The following RNLS variants were observed in gnomAD, a reference collection of about 807,000 sequenced individuals.
RNLS encodes the protein renalase, FAD dependent amine oxidase, also known as renalase.
RNLS carries 39 observed loss-of-function variants against 39.8 expected under a neutral mutation model. The ratio of observed to expected loss-of-function variants is 0.98; its 90% CI spans 0.76 to 1.28. The LOEUF is 1.28. Ranked by LOEUF, RNLS falls within the 50% of genes most tolerant of loss-of-function variation. The pLI is 0.00. For missense variants in RNLS, 410 were observed against 413.3 expected, an observed-to-expected ratio of 0.99 and a Z score of 0.07; for synonymous variants, 147 against 150.7, an observed-to-expected ratio of 0.98 and a Z score of 0.18.
At position 88,520,057 on chromosome 10, in the gene RNLS, C is replaced by G. The variant is rs1589945263; in HGVS notation, c.526+52846G>C. Among the ~76,000 whole-genome samples the G allele has an allele frequency of 2.0e-5, 3 of 152,064 alleles. No individual in the cohort carries two copies. The East Asian group carries it at 5.8e-4, about 29-fold the overall frequency. Reference sequence around the variant, plus strand: ...AAATTCATAATATGTAGAAGTTACTCTGTGTTGCATGAAAAGTGGACAGCT... The same window carrying G: ...AAATTCATAATATGTAGAAGTTACTGTGTGTTGCATGAAAAGTGGACAGCT... On this transcript the variant is annotated intron_variant, in intron 4 of 6. Transcript: ENST00000331772.
the RNLS span, among the ~76,000 whole-genome samples, chr10:88,203,389 C>A: frequency 3.0e-4 from 2 of 6,600 alleles, 1 homozygote; most frequent in Non-Finnish European, 6.1e-4. Flanking sequence ...TATATATACA[C>A]GTATGTGTAT....
intron 6 of RNLS, among the ~76,000 whole-genome samples, chr10:88,277,980 C>A (rs527561840): frequency 5.3e-5 from 8 of 152,280 alleles, no homozygotes; most frequent in African/African-American, 1.9e-4. Flanking sequence ...CAAAAATTTT[C>A]AGCATCTGTT....
At chr10:88,380,636 G>A (rs571951480) in intron 4 of RNLS, among the ~76,000 whole-genome samples, 67 of 151,720 alleles carry the variant, frequency 4.4e-4, no homozygotes, top group South Asian at 2.1e-3. Context: ...CGCCAGCCTC[G>A]GCCTCCCGAA....
the RNLS span, among the ~76,000 whole-genome samples, chr10:88,172,244 G>A: frequency 3.9e-5 from 6 of 152,040 alleles, no homozygotes; most frequent in African/African-American, 9.7e-5. Context: ...TTTGAGGGAC[G>A]TCCATACTGT....
chr10:88,366,663 GAAAAAAA>G (rs774157650), intron 4 of RNLS, among the ~76,000 whole-genome samples: 501 of 25,822 alleles, frequency 0.019, 2 homozygotes, highest in Admixed American at 0.051. Context: ...TAAGTTTTCT[GAAAAAAA>G]AAAAAAAAAA....
intron 5 of RNLS, chr10:88,343,641 A>C: frequency 3.0e-6 from 3 of 985,392 alleles, no homozygotes; most frequent in Non-Finnish European, 3.6e-6. Flanking sequence ...TAAAAATTCC[A>C]TAGATTCTGT....
rs946343540 is a variant in RNLS, at chr10:88,362,808, C to A, written c.527-83G>T. On this transcript the variant is annotated intron_variant, in intron 4 of 6. Transcript: ENST00000331772. ...CATCAAATATAAAATTCCTTTAAAC[C>A]AGTTACAACAGCTTCCACCAACTCC... is the stretch of plus-strand genomic sequence containing the variant. 3.2e-6 allele frequency: 4 copies of A among 1,260,690 alleles called. No individual in the cohort carries two copies. In the African/African-American group the frequency reaches 4.5e-5, roughly 14 times the overall value. The allele number at this position is 1,260,690 out of a possible 1,614,324, so 78.1% of individuals were successfully genotyped here. A position where few individuals can be genotyped will look rare whatever the true frequency, so the allele number is the denominator to read the frequency against.
intron 4 of RNLS, among the ~76,000 whole-genome samples, chr10:88,473,207 C>A (rs1315748449): frequency 6.6e-6 from 1 of 152,166 alleles, no homozygotes; most frequent in Non-Finnish European, 1.5e-5. Context: ...TATAGGACCA[C>A]TGACGTATAT....
At chr10:88,224,122 C>A in the RNLS span, among the ~76,000 whole-genome samples, 3 of 151,038 alleles carry the variant, frequency 2.0e-5, no homozygotes, top group African/African-American at 7.3e-5. Flanking sequence ...GCTGCTGTAA[C>A]AAAATACCTT....
chr10:88,327,353 T>A (rs1365957959), intron 5 of RNLS, among the ~76,000 whole-genome samples: 2 of 152,184 alleles, frequency 1.3e-5, no homozygotes, highest in Non-Finnish European at 2.9e-5. Context: ...GGTGATTGGA[T>A]CATGGGGGTG....
chr10:88,298,765 G>A (rs975995751), intron 6 of RNLS, among the ~76,000 whole-genome samples: 2 of 152,114 alleles, frequency 1.3e-5, no homozygotes, highest in Non-Finnish European at 2.9e-5. Flanking sequence ...GAACGTGTGA[G>A]TCCTCTAACT....
At chr10:88,480,479 T>C (rs746249509) in intron 4 of RNLS, among the ~76,000 whole-genome samples, 1 of 152,258 alleles carries the variant, frequency 6.6e-6, no homozygotes, top group Non-Finnish European at 1.5e-5. Context: ...GGGAGTGCAA[T>C]GGTGCAACCT....
chr10:88,172,531 AT>A, the RNLS span, among the ~76,000 whole-genome samples: 2 of 151,728 alleles, frequency 1.3e-5, no homozygotes, highest in Non-Finnish European at 2.9e-5. Context: ...GATTATTTGT[AT>A]TTTTTTACTG....
chr10:88,242,199 C>G, the RNLS span, among the ~76,000 whole-genome samples: 1 of 152,202 alleles, frequency 6.6e-6, no homozygotes, highest in Non-Finnish European at 1.5e-5. Context: ...TCCAACCCCT[C>G]CAACTAAGAT....
At chr10:88,218,926 A>T in the RNLS span, among the ~76,000 whole-genome samples, 7 of 152,126 alleles carry the variant, frequency 4.6e-5, no homozygotes, top group African/African-American at 1.7e-4. Context: ...TCTTTGCCTC[A>T]ACCACCTGCC....
rs1460839885 is a variant in RNLS, at chr10:88,582,286, C to T, written c.140G>A (p.Cys47Tyr). 11 of 1,613,846 alleles carry T rather than the reference C, an allele frequency of 6.8e-6. No homozygotes were observed. The Admixed American group carries it at 1.7e-4, about 24-fold the overall frequency. The stretch of plus-strand genomic sequence containing the variant: ...TGTGCACTGAGGATTATGAGGACTG[C>T]AGGCTGTAGTCATTCTTCCCCCTTG... ...EDSGGRMTTA[C>Y]SPHNPQCTAD... The change falls in exon 2 of 7, where the codon TGC becomes TAC. Residue 47 changes from cysteine (C) to tyrosine (Y), a missense_variant. Physicochemically the swap from Cys to Tyr is radical, Grantham distance 194 (BLOSUM62 -2). Transcript: ENST00000331772.
chr10:88,274,910 TA>T (rs574174430), exon 7 of RNLS: 15,622 of 1,067,940 alleles, frequency 0.015, no homozygotes, highest in South Asian at 0.018. Flanking sequence ...GTGGTATCCT[TA>T]AAAAAAAAAA....
At chr10:88,301,709 G>A (rs1037012201) in intron 6 of RNLS, among the ~76,000 whole-genome samples, 2 of 152,172 alleles carry the variant, frequency 1.3e-5, no homozygotes, top group East Asian at 1.9e-4. Context: ...CACTTTCATC[G>A]CACCTTGTTC....
intron 4 of RNLS, among the ~76,000 whole-genome samples, chr10:88,556,354 A>G (rs566241588): frequency 6.6e-6 from 1 of 152,318 alleles, no homozygotes; most frequent in South Asian, 2.1e-4. Context: ...TACCACCAGT[A>G]TTGCTGTAGT....
Sources: allele counts gnomAD v4.1 joint callset (sites outside exome capture counted in the v4.1 genomes callset), GRCh38; gene constraint gnomAD v4.1.1; transcripts MANE v1.5; gene names NCBI Gene and HGNC (gene_info 2026-07-23, HGNC 2026-07-21).